IWS1: variants seen among roughly 807,000 people sequenced by gnomAD.
IWS1 encodes the protein interacts with SUPT6H, CTD assembly factor 1.
In IWS1, 27 loss-of-function variants were observed where a neutral mutation model predicts 86.7. That is an observed-to-expected ratio of 0.31 (90% CI 0.23 to 0.43). IWS1 has a LOEUF of 0.43. IWS1 is among the 20% of genes least tolerant of loss of function. The probability of loss-of-function intolerance (pLI) is 1.00; values close to 1 mark genes in which losing one functional copy is unlikely to be tolerated. For missense variants in IWS1, 827 were observed against 1,000.8 expected (o/e 0.83, Z 2.34); for synonymous variants, 313 against 335.1 (o/e 0.93, Z 0.72).
intron 2 of IWS1, among the ~76,000 whole-genome samples, chr2:127,516,031 G>A (rs1691751965): frequency 6.6e-6 from 1 of 152,078 alleles, no homozygotes; most frequent in Admixed American, 6.6e-5. Flanking sequence ...GAGAATACTG[G>A]GGCCCTAATC....
At chr2:127,508,447 G>A (rs1476711883) in intron 2 of IWS1, among the ~76,000 whole-genome samples, 1 of 152,218 alleles carries the variant, frequency 6.6e-6, no homozygotes, top group Non-Finnish European at 1.5e-5. Context: ...AGTACCAGCA[G>A]AGGCAATTAA....
chr2:127,491,476 T>G (rs1288541794), intron 10 of IWS1, among the ~76,000 whole-genome samples: 2 of 151,876 alleles, frequency 1.3e-5, no homozygotes, highest in African/African-American at 4.8e-5. Flanking sequence ...GGAGTCTCGC[T>G]CTTGTTGCCC....
At chr2:127,522,134 T>C (rs1692131442) in intron 2 of IWS1, among the ~76,000 whole-genome samples, 1 of 152,200 alleles carries the variant, frequency 6.6e-6, no homozygotes, top group African/African-American at 2.4e-5. Flanking sequence ...CGCATTTAGT[T>C]CTCTGACCTC....
At chr2:127,500,917 C>T (rs1449640807) in intron 5 of IWS1, among the ~76,000 whole-genome samples, 1 of 152,128 alleles carries the variant, frequency 6.6e-6, no homozygotes, top group Non-Finnish European at 1.5e-5. Flanking sequence ...ACAACATGCA[C>T]CCTAACTTAT....
chr2:127,525,112 A>T (rs1021486734), intron 1 of IWS1, among the ~76,000 whole-genome samples: 1 of 3,480 alleles, frequency 2.9e-4, no homozygotes, highest in Non-Finnish European at 1.0e-3. Context: ...GTAGGGGCGT[A>T]GGGGGGTGGG....
chr2:127,483,426 T>C (rs1173862815), intron 13 of IWS1, among the ~76,000 whole-genome samples: 3 of 151,170 alleles, frequency 2.0e-5, no homozygotes, highest in African/African-American at 4.9e-5. Flanking sequence ...CTGAGCAAGA[T>C]GGTGAAACCA....
chr2:127,482,636 A>G (rs1338523383), intron 13 of IWS1: 2 of 152,152 alleles, frequency 1.3e-5, no homozygotes, highest in Non-Finnish European at 1.5e-5. Flanking sequence ...CCCTTCGCCT[A>G]CTCCCAGGAC....
chr2:127,515,686 C>T (rs991433595), intron 2 of IWS1, among the ~76,000 whole-genome samples: 1 of 152,178 alleles, frequency 6.6e-6, no homozygotes, highest in Non-Finnish European at 1.5e-5. Flanking sequence ...TACAAATGGT[C>T]CTAACGGCAA....
upstream of IWS1, among the ~76,000 whole-genome samples, chr2:127,527,130 C>T (rs1692466789): frequency 6.6e-6 from 1 of 152,070 alleles, no homozygotes; most frequent in Admixed American, 6.5e-5. Context: ...TAAGAAACCC[C>T]CTCATCTATT....
At chr2:127,504,361 G>C (rs1277298844) in intron 3 of IWS1, among the ~76,000 whole-genome samples, 2 of 151,944 alleles carry the variant, frequency 1.3e-5, no homozygotes, top group African/African-American at 4.8e-5. Context: ...ATACAGTTAG[G>C]GGTTTTTATG....
chr2:127,522,866 A>T (rs1052849953), intron 2 of IWS1, among the ~76,000 whole-genome samples: 1 of 152,258 alleles, frequency 6.6e-6, no homozygotes, highest in Non-Finnish European at 1.5e-5. Flanking sequence ...GTTAAAATGT[A>T]CACAAAACCC....
chr2:127,518,834 T>C (rs1416321489), intron 2 of IWS1, among the ~76,000 whole-genome samples: 1 of 152,054 alleles, frequency 6.6e-6, no homozygotes, highest in Non-Finnish European at 1.5e-5. Context: ...CCTCCTAAAG[T>C]GCTGGGATTA....
At chr2:127,526,595 C>T (rs879874260), upstream of IWS1, 36 of 1,370,996 alleles carry the variant, frequency 2.6e-5, no homozygotes, top group Non-Finnish European at 3.1e-5. Flanking sequence ...AAAGGAGACT[C>T]CTGGGAAAAT....
intron 10 of IWS1, 118 bp downstream of exon 10, chr2:127,491,853 A>T: frequency 3.0e-6 from 2 of 675,518 alleles, no homozygotes; most frequent in Non-Finnish European, 2.6e-6. Context: ...AAAAATTTCT[A>T]TTCCACTTTA....
At chr2:127,500,616 C>T (rs1417087061) in intron 5 of IWS1, among the ~76,000 whole-genome samples, 4 of 152,076 alleles carry the variant, frequency 2.6e-5, no homozygotes, top group Non-Finnish European at 5.9e-5. Context: ...CCTTCTGTTT[C>T]AGACAAATCT....
intron 13 of IWS1, among the ~76,000 whole-genome samples, chr2:127,483,731 G>A (rs1689784085): frequency 6.6e-6 from 1 of 151,780 alleles, no homozygotes; most frequent in South Asian, 2.1e-4. Context: ...CTGGGCTCGA[G>A]TGATTCTCCT....
chr2:127,486,918 C>T (rs571515895), intron 12 of IWS1, among the ~76,000 whole-genome samples: 2 of 152,318 alleles, frequency 1.3e-5, no homozygotes, highest in African/African-American at 2.4e-5. Context: ...ATCCTTTTCT[C>T]CTCTCCTCAG....
intron 2 of IWS1, chr2:127,506,778 CATA>C (rs34025899): frequency 6.5e-4 from 110 of 168,224 alleles, no homozygotes; most frequent in African/African-American, 2.5e-3. Context: ...TATACCAACA[CATA>C]ATGTTACTTG....
intron 3 of IWS1, among the ~76,000 whole-genome samples, chr2:127,504,479 A>AT (rs1691004993): frequency 6.6e-6 from 1 of 152,190 alleles, no homozygotes; most frequent in South Asian, 2.1e-4. Context: ...TCAGAGATTA[A>AT]TATGTGCTAA....
Sources: allele counts gnomAD v4.1 joint callset (sites outside exome capture counted in the v4.1 genomes callset), GRCh38; gene constraint gnomAD v4.1.1; transcripts MANE v1.5; gene names NCBI Gene and HGNC (gene_info 2026-07-23, HGNC 2026-07-21).